Variants in SCAPER observed in about 807,000 individuals in gnomAD.
SCAPER encodes S-phase cyclin A associated protein in the ER.
Under a neutral mutation model 182.2 loss-of-function variants are expected in SCAPER, and 98 were observed. The ratio of observed to expected loss-of-function variants is 0.54; its 90% CI spans 0.46 to 0.64. The LOEUF is 0.64. Among genes scored for constraint, SCAPER ranks in the 30% least tolerant of loss-of-function variants. The probability of loss-of-function intolerance (pLI) is 0.00; values close to 1 mark genes in which losing one functional copy is unlikely to be tolerated. For missense variants in SCAPER, 1,432 were observed against 1,690.0 expected (o/e 0.85, Z 2.68); for synonymous variants, 605 against 564.6 (o/e 1.07, Z -1.01).
At chr15:76,535,512 A>C (rs2044067157) in intron 23 of SCAPER, among the ~76,000 whole-genome samples, 1 of 107,638 alleles carries the variant, frequency 9.3e-6, no homozygotes, top group Admixed American at 1.3e-4. Context: ...ACAGAGCAAG[A>C]CTCTGTCTCA....
intron 2 of SCAPER, among the ~76,000 whole-genome samples, chr15:76,869,689 A>G (rs1003652342): frequency 3.9e-5 from 6 of 152,184 alleles, no homozygotes; most frequent in Non-Finnish European, 8.8e-5. Flanking sequence ...TATAGAGAAC[A>G]GTATGAAAGT....
At chr15:76,549,680 G>T (rs1480059232) in intron 23 of SCAPER, among the ~76,000 whole-genome samples, 1 of 152,024 alleles carries the variant, frequency 6.6e-6, no homozygotes, top group East Asian at 1.9e-4. Context: ...ACACCAACAT[G>T]GCACATGTAT....
At chr15:76,516,728 C>G (rs576281650) in intron 23 of SCAPER, among the ~76,000 whole-genome samples, 1 of 151,952 alleles carries the variant, frequency 6.6e-6, no homozygotes, top group Admixed American at 6.5e-5. Context: ...GGGTATATAC[C>G]CAGTAATGGG....
At chr15:76,901,349 ATTTAT>A (rs1367258466) in intron 1 of SCAPER, among the ~76,000 whole-genome samples, 4 of 152,354 alleles carry the variant, frequency 2.6e-5, no homozygotes, top group Admixed American at 2.0e-4. Context: ...CAACCAAGTT[ATTTAT>A]TTTATCTCAT....
At chr15:76,424,183 T>G (rs1567109901) in intron 26 of SCAPER, among the ~76,000 whole-genome samples, 1 of 151,726 alleles carries the variant, frequency 6.6e-6, no homozygotes, top group East Asian at 1.9e-4. Context: ...CTTGTTAACT[T>G]TGTCTCATTG....
At chr15:76,841,272 G>A (rs2069450153) in intron 5 of SCAPER, among the ~76,000 whole-genome samples, 2 of 152,086 alleles carry the variant, frequency 1.3e-5, no homozygotes, top group Non-Finnish European at 2.9e-5. Flanking sequence ...TTAGTGTATG[G>A]ATCAAAAGAA....
chr15:76,889,895 T>C (rs1444818430), intron 1 of SCAPER, among the ~76,000 whole-genome samples: 2 of 152,178 alleles, frequency 1.3e-5, no homozygotes, highest in Non-Finnish European at 2.9e-5. Flanking sequence ...GTTGCACTTA[T>C]TCTAAAATTG....
intron 20 of SCAPER, among the ~76,000 whole-genome samples, chr15:76,672,560 A>T (rs1244182610): frequency 6.6e-6 from 1 of 152,184 alleles, no homozygotes; most frequent in East Asian, 1.9e-4. Flanking sequence ...CAATGAAAGA[A>T]ATCATTTAAG....
chr15:76,446,762 C>T (rs2048027721), intron 25 of SCAPER, among the ~76,000 whole-genome samples: 1 of 152,186 alleles, frequency 6.6e-6, no homozygotes, highest in Non-Finnish European at 1.5e-5. Context: ...TGTATGTCAT[C>T]CATAATCTCA....
At chr15:76,774,188 T>C (rs2063617189) in intron 9 of SCAPER, among the ~76,000 whole-genome samples, 1 of 151,868 alleles carries the variant, frequency 6.6e-6, no homozygotes, top group African/African-American at 2.4e-5. Context: ...TGCCTCTAGA[T>C]GTGACACTAA....
intron 29 of SCAPER, among the ~76,000 whole-genome samples, chr15:76,373,852 C>A (rs937567827): frequency 1.6e-4 from 24 of 152,070 alleles, no homozygotes; most frequent in African/African-American, 5.8e-4. Flanking sequence ...TAGTGTCCCT[C>A]TGAACCCAGA....
intron 21 of SCAPER, among the ~76,000 whole-genome samples, chr15:76,651,638 A>T (rs1396007834): frequency 6.6e-6 from 1 of 151,696 alleles, no homozygotes; most frequent in Non-Finnish European, 1.5e-5. Context: ...CCAAAAAAAA[A>T]AAAAAAAACC....
intron 15 of SCAPER, among the ~76,000 whole-genome samples, chr15:76,752,102 T>C (rs181396959): frequency 2.0e-5 from 3 of 148,546 alleles, no homozygotes; most frequent in Non-Finnish European, 3.0e-5. Flanking sequence ...CAAGAGGATA[T>C]ACAAATGGCC....
intron 5 of SCAPER, among the ~76,000 whole-genome samples, chr15:76,813,219 C>T (rs1446164682): frequency 1.1e-4 from 10 of 90,056 alleles, no homozygotes; most frequent in African/African-American, 3.9e-4. Context: ...AGTTCAATAT[C>T]CTTTCACTAA....
At position 76,838,160 on chromosome 15, in the gene SCAPER, T is replaced by A. The variant is rs139612265; in HGVS notation, c.393+3574A>T. On this transcript the variant is annotated intron_variant, in intron 5 of 31. Transcript: ENST00000563290. ...GACATGGAATCAACCTAGATGCCCA[T>A]CAATGGTAGACTGGATAAAGAAAAT... Among the ~76,000 whole-genome samples, 487 of 152,286 alleles carry A rather than the reference T, an allele frequency of 3.2e-3. 5 individuals carry two copies. The highest frequency in any genetic ancestry group is 0.011 in the African/African-American group (465 of 41,552).
intron 18 of SCAPER, among the ~76,000 whole-genome samples, chr15:76,705,674 A>C (rs1197051503): frequency 1.3e-5 from 2 of 152,100 alleles, no homozygotes; most frequent in African/African-American, 2.4e-5. Flanking sequence ...AAGAAAAAAA[A>C]CAGGAAATGT....
chr15:76,489,915 C>T lies in SCAPER; in HGVS notation c.2954+14944G>A, dbSNP rs80333586. On this transcript the variant is annotated intron_variant, in intron 24 of 31. Coordinates refer to ENST00000563290, the MANE Select transcript of SCAPER (RefSeq NM_020843.4). ...GGAGTATTTGTCCTTGTGTGAATGGCTTTTTTCACTCAACATAATGTCTTC... is the reference window on the plus strand; with the variant it reads ...GGAGTATTTGTCCTTGTGTGAATGGTTTTTTTCACTCAACATAATGTCTTC... 1.4e-3 allele frequency among the ~76,000 whole-genome samples: 217 copies of T among 152,192 alleles called. 1 individual carries two copies. Among genetic ancestry groups the T allele is most frequent in the African/African-American group, 4.9e-3 (203 of 41,526 alleles).
chr15:76,378,054 G>A (rs1399783877), intron 28 of SCAPER, among the ~76,000 whole-genome samples: 1 of 152,208 alleles, frequency 6.6e-6, no homozygotes, highest in Non-Finnish European at 1.5e-5. Flanking sequence ...GGAGTCTTAA[G>A]TGTTCAAATG....
At chr15:76,377,300 C>T (rs1295361751) in intron 28 of SCAPER, among the ~76,000 whole-genome samples, 7 of 152,028 alleles carry the variant, frequency 4.6e-5, no homozygotes. Context: ...TGTTTCACAG[C>T]CCCAAAACAA....
Sources: gnomAD v4.1 joint callset for allele counts (sites outside exome capture counted in the v4.1 genomes callset) on GRCh38, gnomAD v4.1.1 for gene constraint, MANE v1.5 for transcripts, NCBI Gene and HGNC (gene_info 2026-07-23, HGNC 2026-07-21) for gene names.